Variants in VDAC1 observed in about 807,000 individuals in gnomAD.
The protein encoded by VDAC1 is non-selective voltage-gated ion channel VDAC1.
A neutral mutation model predicts 34.7 loss-of-function variants in VDAC1; 10 were observed. The ratio of observed to expected loss-of-function variants is 0.29; its 90% CI spans 0.18 to 0.49. The LOEUF is 0.49. VDAC1 is among the 20% of genes least tolerant of loss of function. VDAC1 has a pLI of 0.99. For synonymous variants in VDAC1, 130 were observed against 136.0 expected (o/e 0.96, Z 0.30); for missense variants, 230 against 347.9 (o/e 0.66, Z 2.69).
the VDAC1 span, among the ~76,000 whole-genome samples, chr5:134,083,539 T>C: frequency 2.6e-5 from 4 of 152,254 alleles, no homozygotes; most frequent in Admixed American, 2.0e-4. Context: ...AGAAGAATCA[T>C]GACCAAGTTT....
At chr5:134,081,085 T>G in the VDAC1 span, among the ~76,000 whole-genome samples, 1 of 151,666 alleles carries the variant, frequency 6.6e-6, no homozygotes, top group Admixed American at 6.6e-5. Flanking sequence ...TTGCCCAGGC[T>G]GGAGTGCAAT....
Position 133,973,780 on chromosome 5 carries a change from G to T in VDAC1, c.760+11C>A. On this transcript the variant is annotated intron_variant, in intron 8 of 8. Transcript: ENST00000265333. ...GATAAAGAACCGATTTCACACACAA[G>T]CAACACATACCTGGCTTTAGAGTCT... The T allele has an allele frequency of 6.2e-7, 1 of 1,609,648 alleles. No individual in the cohort carries two copies. Among genetic ancestry groups the T allele is most frequent in the Non-Finnish European group, 8.5e-7 (1 of 1,179,274 alleles).
chr5:134,088,720 C>G, the VDAC1 span, among the ~76,000 whole-genome samples: 1 of 152,160 alleles, frequency 6.6e-6, no homozygotes, highest in African/African-American at 2.4e-5. Flanking sequence ...CATGGCCTGT[C>G]CCCTGGAAAT....
At chr5:134,034,488 C>T in the VDAC1 span, among the ~76,000 whole-genome samples, 1 of 152,156 alleles carries the variant, frequency 6.6e-6, no homozygotes, top group Non-Finnish European at 1.5e-5. Flanking sequence ...GAGATCCAAG[C>T]GACGCGTCCA....
chr5:133,993,942 G>C (rs114239288), intron 1 of VDAC1, among the ~76,000 whole-genome samples: 1 of 152,148 alleles, frequency 6.6e-6, no homozygotes, highest in Non-Finnish European at 1.5e-5. Context: ...CTGCCCAGGA[G>C]GAGAGGGGGT....
In VDAC1 at chr5:133,971,968, G is replaced by C. The variant is rs2126883702; in HGVS notation, c.*803C>G. Reference sequence around the variant, plus strand: ...TTAAGTGTTGTTAATTACAGCATTTGAAGGGGAGGATCTAATTCCAACAAA... The same window carrying C: ...TTAAGTGTTGTTAATTACAGCATTTCAAGGGGAGGATCTAATTCCAACAAA... On this transcript the variant is annotated 3_prime_UTR_variant, in exon 9 of 9. Coordinates refer to ENST00000265333, the MANE Select transcript of VDAC1 (RefSeq NM_003374.3). The C allele has an allele frequency of 6.5e-6, 1 of 152,768 alleles. No homozygotes were observed. Among genetic ancestry groups the C allele is most frequent in the South Asian group, 2.1e-4 (1 of 4,826 alleles). 9.5% of individuals were successfully genotyped at this position (152,768 alleles called of 1,614,324 possible). A position where few individuals can be genotyped will look rare whatever the true frequency, so the allele number is the denominator to read the frequency against.
the VDAC1 span, among the ~76,000 whole-genome samples, chr5:134,031,714 G>A: frequency 6.6e-6 from 1 of 152,142 alleles, no homozygotes; most frequent in African/African-American, 2.4e-5. Context: ...ACTTTGGGAG[G>A]CTGAGGCAGG....
intron 5 of VDAC1, among the ~76,000 whole-genome samples, chr5:133,987,144 T>C (rs1000873688): frequency 6.6e-6 from 1 of 150,652 alleles, no homozygotes; most frequent in Non-Finnish European, 1.5e-5. Context: ...GGCAGATCAC[T>C]TGAGTCAGGA....
the VDAC1 span, among the ~76,000 whole-genome samples, chr5:134,074,599 G>C: frequency 3.3e-5 from 5 of 151,890 alleles, no homozygotes; most frequent in South Asian, 1.0e-3. Context: ...GTCAGGCCTG[G>C]TCAACCAACC....
At chr5:134,027,607 T>A in the VDAC1 span, among the ~76,000 whole-genome samples, 1 of 152,124 alleles carries the variant, frequency 6.6e-6, no homozygotes, top group Admixed American at 6.6e-5. Context: ...ACTGCTGAGC[T>A]AAGGTCTGAA....
chr5:134,012,934 A>C, the VDAC1 span, among the ~76,000 whole-genome samples: 1 of 152,154 alleles, frequency 6.6e-6, no homozygotes, highest in South Asian at 2.1e-4. Flanking sequence ...ACAGAAATAA[A>C]GCCACCCTCC....
the VDAC1 span, among the ~76,000 whole-genome samples, chr5:134,052,073 G>C: frequency 7.3e-6 from 1 of 137,154 alleles, no homozygotes; most frequent in Non-Finnish European, 1.6e-5. Context: ...CCCTGAAGCA[G>C]GTCATAACCC....
chr5:133,993,241 C>G (rs1753171297), intron 1 of VDAC1, among the ~76,000 whole-genome samples: 1 of 152,180 alleles, frequency 6.6e-6, no homozygotes, highest in East Asian at 1.9e-4. Flanking sequence ...GACAGATGAT[C>G]AACAATTTAG....
At chr5:134,016,516 A>G in the VDAC1 span, among the ~76,000 whole-genome samples, 1 of 152,154 alleles carries the variant, frequency 6.6e-6, no homozygotes, top group African/African-American at 2.4e-5. Context: ...GAGTGGACCC[A>G]AGCAGTTTTT....
chr5:133,977,406 C>CT (rs1449684216), intron 6 of VDAC1, among the ~76,000 whole-genome samples: 1 of 152,242 alleles, frequency 6.6e-6, no homozygotes, highest in African/African-American at 2.4e-5. Context: ...AAGCTCCCTC[C>CT]TCTCTTACAA....
At chr5:134,076,386 G>A in the VDAC1 span, among the ~76,000 whole-genome samples, 1 of 152,160 alleles carries the variant, frequency 6.6e-6, no homozygotes, top group Admixed American at 6.5e-5. Context: ...TTTCTGCAAG[G>A]TCAGCCTTCA....
In VDAC1 at chr5:133,980,842, G is replaced by A. The variant is rs201430251; in HGVS notation, c.438C>T (p.Tyr146=). 6.3e-5 allele frequency: 102 copies of A among 1,613,674 alleles called. No individual in the cohort carries two copies. The highest frequency in any genetic ancestry group is 1.2e-4 in the Admixed American group (7 of 59,958). Residue 146 remains tyrosine (Y), a synonymous_variant, in exon 6 of 9, where the codon TAC becomes TAT. Coordinates refer to ENST00000265333, the MANE Select transcript of VDAC1 (RefSeq NM_003374.3). Reference sequence around the variant, plus strand: ...TCTGGTAGCCGGCCAGCCAGCCCTCGTAACCTAGCACCAGAGCACCCCGGA... The same window carrying A: ...TCTGGTAGCCGGCCAGCCAGCCCTCATAACCTAGCACCAGAGCACCCCGGA... The part of the protein sequence containing the change: ...PSIRGALVLG[Y]EGWLAGYQMN...
chr5:134,069,455 G>A, the VDAC1 span, among the ~76,000 whole-genome samples: 2 of 152,234 alleles, frequency 1.3e-5, no homozygotes, highest in African/African-American at 4.8e-5. Flanking sequence ...AGAGGTGAGG[G>A]GTCTCTCCCA....
chr5:134,100,750 G>A, the VDAC1 span, among the ~76,000 whole-genome samples: 1 of 152,234 alleles, frequency 6.6e-6, no homozygotes, highest in Non-Finnish European at 1.5e-5. Flanking sequence ...CAGCACTCTA[G>A]AACCCTCCAA....
Sources: allele counts gnomAD v4.1 joint callset (sites outside exome capture counted in the v4.1 genomes callset), GRCh38; gene constraint gnomAD v4.1.1; transcripts MANE v1.5; gene names NCBI Gene and HGNC (gene_info 2026-07-23, HGNC 2026-07-21).